The following DECR2 variants were observed in gnomAD, a reference collection of about 807,000 sequenced individuals.
DECR2 encodes peroxisomal 2,4-dienoyl-CoA reductase [(3E)-enoyl-CoA-producing].
A neutral mutation model predicts 29.2 loss-of-function variants in DECR2; 34 were observed. That is an observed-to-expected ratio of 1.16 (90% confidence interval 0.89 to 1.55). The LOEUF (loss-of-function observed/expected upper bound fraction) is 1.55. Among genes scored for constraint, DECR2 ranks in the 40% most tolerant of loss-of-function variants. The pLI is 0.00. For missense variants in DECR2, 485 were observed against 425.3 expected (o/e 1.14, Z -1.23); for synonymous variants, 224 against 182.7 (o/e 1.23, Z -1.82).
At position 410,613 on chromosome 16, in the gene DECR2, C is replaced by T. The variant is rs1201961478; in HGVS notation, c.463-78C>T. 12 of 1,445,420 alleles carry T rather than the reference C, an allele frequency of 8.3e-6. No individual in the cohort carries two copies. The highest frequency in any genetic ancestry group is 1.1e-5 in the Non-Finnish European group (12 of 1,053,226). The allele number at this position is 1,445,420 out of a possible 1,614,324, so 89.5% of individuals were successfully genotyped here. A position where few individuals can be genotyped will look rare whatever the true frequency, so the allele number is the denominator to read the frequency against. Reference sequence around the variant, plus strand: ...CCCGCTCCCTGCCCCGGGCCTCCCCCTGACAGCCACCCGCTCACTGTCCTG... The same window carrying T: ...CCCGCTCCCTGCCCCGGGCCTCCCCTTGACAGCCACCCGCTCACTGTCCTG... On this transcript the variant is annotated intron_variant, in intron 5 of 8. Transcript: ENST00000219481. This position sits in a 1 kb window ranked among gnomAD's most constrained non-coding sequence, Gnocchi z 4.1.
At position 410,694 on chromosome 16, in the gene DECR2, C is replaced by G; in HGVS notation, c.466C>G (p.His156Asp). The G allele has an allele frequency of 6.2e-7, 1 of 1,604,962 alleles. No individual in the cohort carries two copies. The highest frequency in any genetic ancestry group is 8.5e-7 in the Non-Finnish European group (1 of 1,177,628). Residue 156 changes from histidine (H) to aspartate (D), a missense_variant, in exon 6 of 9, where the codon CAC (histidine) becomes GAC (aspartate). His to Asp is a moderately conservative substitution (Grantham distance 81). Coordinates refer to ENST00000219481, the MANE Select transcript of DECR2 (RefSeq NM_020664.4). This position sits in a 1 kb window ranked among gnomAD's most constrained non-coding sequence, Gnocchi z 4.1. ...CCCCGGGCCTTGTGTGTTGCAGGAC[C>G]ACGGAGGGGTGATCGTGAACATCAC... ...RVLYEKFFRD[H>D]GGVIVNITAT...
chr16:407,447 C>T lies in DECR2; in HGVS notation c.224C>T (p.Ala75Val). The change falls in exon 4 of 9, where the codon GCC becomes GTC. Residue 75 changes from alanine to valine, a missense_variant. By Grantham distance (64) the Ala-to-Val change is moderately conservative (BLOSUM62 0). Coordinates refer to ENST00000219481, the MANE Select transcript of DECR2 (RefSeq NM_020664.4). ...VLTAARKLAGATGRRCLPLSM... is the reference protein window; with the variant it reads ...VLTAARKLAGVTGRRCLPLSM... The stretch of plus-strand genomic sequence containing the variant: ...TAGGCCGCCAGGAAGCTGGCTGGGG[C>T]CACCGGCCGGCGCTGCCTCCCTCTC... 6.2e-7 allele frequency: 1 copy of T among 1,610,184 alleles called. No individual in the cohort carries two copies.
chr16:411,575 C>G lies in DECR2; in HGVS notation c.876C>G (p.Leu292=), dbSNP rs570222660. The change falls in exon 8 of 9, where the codon CTC becomes CTG. Residue 292 remains leucine (L), a synonymous_variant. Coordinates refer to ENST00000219481, the MANE Select transcript of DECR2 (RefSeq NM_020664.4). ...ATTTCGCATCCTTCTCTGCTAAGCTCTAGGTGAGGTACTGCTCCCGCTTCT... is the reference window on the plus strand; with the variant it reads ...ATTTCGCATCCTTCTCTGCTAAGCTGTAGGTGAGGTACTGCTCCCGCTTCT... ...LPDFASFSAK[L] 6.2e-7 allele frequency: 1 copy of G among 1,610,446 alleles called. No homozygotes were observed. Among genetic ancestry groups the G allele is most frequent in the Non-Finnish European group, 8.5e-7 (1 of 1,177,814 alleles).
intron 4 of DECR2, among the ~76,000 whole-genome samples, chr16:407,955 AGGCCTCTG>A (rs1567340666): frequency 1.7e-3 from 43 of 25,640 alleles, no homozygotes; most frequent in African/African-American, 7.5e-3. Flanking sequence ...CCCTGTCTCC[AGGCCTCTG>A]TCTCCGGCCC....
intron 2 of DECR2, 116 bp from the exon 3 acceptor site, chr16:406,230 G>A (rs1255078795): frequency 1.6e-5 from 15 of 913,076 alleles, no homozygotes; most frequent in South Asian, 1.4e-4. Flanking sequence ...TCTGCCAGCT[G>A]GGCCTTCAGC....
intron 4 of DECR2, among the ~76,000 whole-genome samples, chr16:409,328 G>A (rs1199091944): frequency 7.9e-5 from 12 of 151,654 alleles, no homozygotes; most frequent in Non-Finnish European, 1.8e-4. Context: ...CTGCCACCAC[G>A]CCTGGCTAAC....
intron 1 of DECR2, among the ~76,000 whole-genome samples, chr16:402,698 C>A (rs1384488721): frequency 1.4e-5 from 2 of 148,086 alleles, no homozygotes; most frequent in Admixed American, 1.4e-4. Context: ...AAATTTTGAT[C>A]TTTTGCCAGG....
intron 2 of DECR2, chr16:405,529 A>G (rs1490156517): frequency 6.1e-6 from 8 of 1,304,372 alleles, no homozygotes; most frequent in Non-Finnish European, 8.1e-6. Flanking sequence ...TGAGGACCAG[A>G]TGGGACATTG....
chr16:406,775 C>T (rs1177297691), intron 3 of DECR2: 1 of 733,136 alleles, frequency 1.4e-6, no homozygotes, highest in Middle Eastern at 5.7e-4. Flanking sequence ...GCCAGGATTA[C>T]AGGTGTGAAC....
Position 410,089 on chromosome 16 carries a change from C to T in DECR2, c.338-154C>T. On this transcript the variant is annotated intron_variant, in intron 4 of 8. Coordinates refer to ENST00000219481, the MANE Select transcript of DECR2 (RefSeq NM_020664.4). The surrounding 1 kb of genome is among the most constrained non-coding windows in gnomAD (Gnocchi z 4.1). The stretch of plus-strand genomic sequence containing the variant: ...GCCAGGACGCCCGTCTTGCTCTGGT[C>T]ATTTTGGAATTTATCCTAGGGCATG... 8.8e-7 allele frequency: 1 copy of T among 1,133,992 alleles called. No individual in the cohort carries two copies. Among genetic ancestry groups the T allele is most frequent in the Non-Finnish European group, 1.2e-6 (1 of 821,742 alleles). 70.2% of individuals were successfully genotyped at this position (1,133,992 alleles called of 1,614,324 possible).
rs2054818467 is a variant in DECR2, at chr16:411,469, C to A, written c.770C>A (p.Ala257Asp). The change falls in exon 8 of 9, where the codon GCT becomes GAT. Residue 257 changes from alanine (A) to aspartate (D), a missense_variant. Ala to Asp is a moderately radical substitution (Grantham distance 126, BLOSUM62 -2). Transcript: ENST00000219481. ...GTGCTCTACCTGGCCAGCCCTCTGG[C>A]TTCCTACGTGACGGGGGCCGTGCTG... ...HSVLYLASPL[A>D]SYVTGAVLVA... 1 of 1,613,924 alleles carries A rather than the reference C, an allele frequency of 6.2e-7. No homozygotes were observed. The highest frequency in any genetic ancestry group is 8.5e-7 in the Non-Finnish European group (1 of 1,180,018).
chr16:406,420 C>G, intron 3 of DECR2, 23 bp downstream of exon 3: 1 of 1,605,562 alleles, frequency 6.2e-7, no homozygotes, highest in Non-Finnish European at 8.5e-7. Flanking sequence ...CTCCCATGGT[C>G]CCCTGTTCGG....
At chr16:404,303 A>G (rs2054700255) in intron 1 of DECR2, among the ~76,000 whole-genome samples, 2 of 151,792 alleles carry the variant, frequency 1.3e-5, no homozygotes. Flanking sequence ...CAATGGCGCA[A>G]TTTTGGCTCA....
At chr16:406,644 C>G in intron 3 of DECR2, 1 of 632,800 alleles carries the variant, frequency 1.6e-6, no homozygotes, top group Non-Finnish European at 2.8e-6. Context: ...ACTACAGGTG[C>G]CCGCCACCAC....
rs116713137 is a variant in DECR2 at position 403,073 on chromosome 16, C to T, written c.80+1030C>T. 2,463 of 973,930 alleles carry T rather than the reference C, an allele frequency of 2.5e-3. 38 individuals are homozygous for T. The African/African-American group carries it at 0.035, about 14-fold the overall frequency. The allele number at this position is 973,930 out of a possible 1,614,324, so 60.3% of individuals were successfully genotyped here. ...GCAGGAAAAAAAAAAAGTTTTTTTT[C>T]GAAACGGAGTCTCATTCTGGGTTGA... On this transcript the variant is annotated intron_variant, in intron 1 of 8. Transcript: ENST00000219481.
chr16:406,219 C>A, intron 2 of DECR2, 127 bp from the exon 3 acceptor site: 1 of 911,448 alleles, frequency 1.1e-6, no homozygotes, highest in Non-Finnish European at 1.6e-6. Flanking sequence ...CCCCTGTGCC[C>A]TCTGCCAGCT....
At chr16:406,451 G>A (rs2054725366) in intron 3 of DECR2, 54 bp downstream of exon 3, 2 of 1,586,508 alleles carry the variant, frequency 1.3e-6, no homozygotes, top group Non-Finnish European at 1.7e-6. Context: ...GGGGGCTGGG[G>A]CTGGGCCTGG....
chr16:406,698 C>T (rs532576187), intron 3 of DECR2: 35 of 611,214 alleles, frequency 5.7e-5, no homozygotes, highest in African/African-American at 5.7e-4. Flanking sequence ...TGGGTTTTCA[C>T]CACGTTGACC....
At chr16:402,598 G>A (rs570692968) in intron 1 of DECR2, among the ~76,000 whole-genome samples, 142 of 151,792 alleles carry the variant, frequency 9.4e-4, no homozygotes, top group African/African-American at 3.2e-3. Context: ...GATCCTCCCC[G>A]GTCACCTGCC....
Sources: allele counts gnomAD v4.1 joint callset (sites outside exome capture counted in the v4.1 genomes callset), GRCh38; gene constraint gnomAD v4.1.1; non-coding constraint Gnocchi (gnomAD v3.1); transcripts MANE v1.5; gene names NCBI Gene and HGNC (gene_info 2026-07-23, HGNC 2026-07-21).